The following CMPK1 variants were observed in gnomAD, a reference collection of about 807,000 sequenced individuals.
CMPK1 encodes cytidine/uridine monophosphate kinase 1.
CMPK1 carries 10 observed loss-of-function variants against 25.7 expected under a neutral mutation model. The observed-to-expected ratio is 0.39, with a 90% confidence interval of 0.24 to 0.66. The LOEUF (loss-of-function observed/expected upper bound fraction) is 0.66. CMPK1 is among the 30% of genes least tolerant of loss of function. The pLI is 0.48. For synonymous variants in CMPK1, 106 were observed against 101.5 expected (o/e 1.04, Z -0.27); for missense variants, 199 against 280.5 (o/e 0.71, Z 2.08).
chr1:47,354,784 T>C (rs780324113), intron 1 of CMPK1, among the ~76,000 whole-genome samples: 1 of 152,160 alleles, frequency 6.6e-6, no homozygotes, highest in Non-Finnish European at 1.5e-5. Context: ...TAAACATTCA[T>C]GTACATATGT....
At chr1:47,367,189 G>A (rs1646645166) in intron 1 of CMPK1, among the ~76,000 whole-genome samples, 1 of 152,146 alleles carries the variant, frequency 6.6e-6, no homozygotes, top group Non-Finnish European at 1.5e-5. Context: ...TCTTCTAATG[G>A]AAGGTCCTAT....
intron 1 of CMPK1, among the ~76,000 whole-genome samples, chr1:47,339,504 T>C (rs1010897001): frequency 2.6e-5 from 4 of 152,166 alleles, no homozygotes; most frequent in African/African-American, 7.2e-5. Flanking sequence ...GCCTGACACA[T>C]AGTAACTGCT....
chr1:47,356,105 A>G (rs956083563), intron 1 of CMPK1, among the ~76,000 whole-genome samples: 5 of 152,130 alleles, frequency 3.3e-5, no homozygotes, highest in African/African-American at 9.6e-5. Context: ...TTCCTATCTC[A>G]GTTTATTTTC....
intron 1 of CMPK1, chr1:47,358,384 A>G: frequency 7.9e-7 from 1 of 1,271,744 alleles, no homozygotes; most frequent in South Asian, 1.2e-5. Context: ...AAGTGCTGAG[A>G]TTACAGGCAT....
In CMPK1 at chr1:47,333,875, C is replaced by A; in HGVS notation, c.-71C>A. The A allele has an allele frequency of 9.1e-7, 1 of 1,096,156 alleles. No homozygotes were observed. The highest frequency in any genetic ancestry group is 4.3e-5 in the South Asian group (1 of 23,344). 67.9% of individuals were successfully genotyped at this position (1,096,156 alleles called of 1,614,324 possible). A position where few individuals can be genotyped will look rare whatever the true frequency, so the allele number is the denominator to read the frequency against. ...GGCTCAGCCCGCCCCTTTCTCCCGC[C>A]GCCTCCCCGCCCCGCCCCGCGCCGC... On this transcript the variant is annotated 5_prime_UTR_variant, in exon 1 of 6. Coordinates refer to ENST00000371873, the MANE Select transcript of CMPK1 (RefSeq NM_016308.3).
At chr1:47,347,888 C>T (rs1173549710) in intron 1 of CMPK1, among the ~76,000 whole-genome samples, 1 of 152,190 alleles carries the variant, frequency 6.6e-6, no homozygotes, top group Non-Finnish European at 1.5e-5. Context: ...GTCTCAGTCT[C>T]CCACAGTGCT....
At chr1:47,359,590 T>C (rs1217627979) in intron 1 of CMPK1, among the ~76,000 whole-genome samples, 1 of 151,746 alleles carries the variant, frequency 6.6e-6, no homozygotes, top group Non-Finnish European at 1.5e-5. Context: ...GGTTTCACCA[T>C]GTTGGCCAGG....
intron 1 of CMPK1, among the ~76,000 whole-genome samples, chr1:47,359,035 C>T (rs1297423825): frequency 6.6e-6 from 1 of 152,068 alleles, no homozygotes; most frequent in South Asian, 2.1e-4. Flanking sequence ...GAAAGAAGTA[C>T]AGGCCAGGCG....
intron 1 of CMPK1, among the ~76,000 whole-genome samples, chr1:47,354,274 A>G (rs1215555605): frequency 6.6e-6 from 1 of 152,236 alleles, no homozygotes; most frequent in African/African-American, 2.4e-5. Flanking sequence ...GGCTGCAGTG[A>G]GCTGTGATTG....
chr1:47,358,531 ATAT>A (rs533182785), intron 1 of CMPK1: 373 of 1,006,990 alleles, frequency 3.7e-4, no homozygotes, highest in Non-Finnish European at 4.2e-4. Context: ...GGTAGCATAC[ATAT>A]TATTTCTGTT....
rs559903243 is a variant in CMPK1 at position 47,372,285 on chromosome 1, G to T, written c.319-670G>T. On this transcript the variant is annotated intron_variant, in intron 2 of 5. Transcript: ENST00000371873. ...TTTTTGTATTTTTAGTAGAGACGGGGTTTCACCATCTTGGCCGGGCTGGTT... is the reference window on the plus strand; with the variant it reads ...TTTTTGTATTTTTAGTAGAGACGGGTTTTCACCATCTTGGCCGGGCTGGTT... 2.6e-5 allele frequency among the ~76,000 whole-genome samples: 4 copies of T among 152,212 alleles called. No homozygotes were observed. The South Asian group carries it at 8.3e-4, about 32-fold the overall frequency.
chr1:47,342,686 G>C (rs1457247666), intron 1 of CMPK1, among the ~76,000 whole-genome samples: 4 of 113,292 alleles, frequency 3.5e-5, no homozygotes, highest in African/African-American at 1.3e-4. Context: ...GTCTCACTCT[G>C]TTGCCCAGCC....
rs60145419 is a variant in CMPK1, at chr1:47,369,909, C to CTTT, written c.318+1309_318+1311dup. 1.1e-4 allele frequency among the ~76,000 whole-genome samples: 10 copies of CTTT among 93,686 alleles called. No individual in the cohort carries two copies. The East Asian group carries it at 1.8e-3, about 17-fold the overall frequency. The allele number at this position is 93,686 out of a possible 152,430, so 61.5% of individuals were successfully genotyped here. On this transcript the variant is annotated intron_variant, in intron 2 of 5. Transcript: ENST00000371873. Reference sequence around the variant, plus strand: ...ACCTCTTTCTTTCTTCTTTCTCTCTCTTTTTTTTTTTTTTTTTGGCGGGGA... The same window carrying CTTT: ...ACCTCTTTCTTTCTTCTTTCTCTCTCTTTTTTTTTTTTTTTTTTTTGGCGGGGA...
intron 5 of CMPK1, among the ~76,000 whole-genome samples, chr1:47,376,021 A>G (rs1028004558): frequency 2.0e-5 from 3 of 152,160 alleles, no homozygotes; most frequent in African/African-American, 7.2e-5. Flanking sequence ...AATCAGAACT[A>G]AGAAGATAAG....
intron 1 of CMPK1, among the ~76,000 whole-genome samples, chr1:47,367,693 A>G (rs1480891297): frequency 1.3e-5 from 2 of 152,232 alleles, no homozygotes; most frequent in African/African-American, 4.8e-5. Context: ...AAGCATTTTT[A>G]AAATCAATTG....
intron 1 of CMPK1, among the ~76,000 whole-genome samples, chr1:47,346,291 G>T (rs891772450): frequency 6.7e-6 from 1 of 150,148 alleles, no homozygotes; most frequent in Non-Finnish European, 1.5e-5. Flanking sequence ...CTCGTGATCC[G>T]CCAGCCTCAG....
chr1:47,376,880 A>G lies in CMPK1; in HGVS notation c.*135A>G. 1 of 506,436 alleles carries G rather than the reference A, an allele frequency of 2.0e-6. No homozygotes were observed. Among genetic ancestry groups the G allele is most frequent in the Non-Finnish European group, 3.5e-6 (1 of 282,200 alleles). 31.4% of individuals were successfully genotyped at this position (506,436 alleles called of 1,614,324 possible). On this transcript the variant is annotated 3_prime_UTR_variant, in exon 6 of 6. Transcript: ENST00000371873. ...GTGGCTGGAAAGTACATGGTAAAAC[A>G]AAGTAAATTTTTTTATGTTCTTTTT... is the stretch of plus-strand genomic sequence containing the variant.
intron 1 of CMPK1, among the ~76,000 whole-genome samples, chr1:47,351,378 C>G (rs1222945506): frequency 1.3e-5 from 2 of 152,122 alleles, no homozygotes; most frequent in Non-Finnish European, 1.5e-5. Flanking sequence ...TGCGCCTGGC[C>G]CATAATGTTT....
intron 1 of CMPK1, among the ~76,000 whole-genome samples, chr1:47,340,314 A>T (rs995779427): frequency 2.0e-5 from 3 of 151,698 alleles, no homozygotes; most frequent in Non-Finnish European, 1.5e-5. Flanking sequence ...CAAAAAAAAA[A>T]AAAAGAGAAA....
Sources: allele counts gnomAD v4.1 joint callset (sites outside exome capture counted in the v4.1 genomes callset), GRCh38; gene constraint gnomAD v4.1.1; transcripts MANE v1.5; gene names NCBI Gene and HGNC (gene_info 2026-07-23, HGNC 2026-07-21).